The following CALD1 variants were observed in gnomAD, a reference collection of about 807,000 sequenced individuals.
CALD1 encodes the protein caldesmon 1.
A neutral mutation model predicts 99.9 loss-of-function variants in CALD1; 33 were observed. The ratio of observed to expected loss-of-function variants is 0.33; its 90% CI spans 0.25 to 0.44. The LOEUF is 0.44. Among genes scored for constraint, CALD1 ranks in the 20% least tolerant of loss-of-function variants. The probability of loss-of-function intolerance (pLI) is 1.00; values close to 1 mark genes in which losing one functional copy is unlikely to be tolerated. For missense variants in CALD1, 861 were observed against 962.1 expected (o/e 0.89, Z 1.39); for synonymous variants, 310 against 325.0 (o/e 0.95, Z 0.50).
In CALD1 at chr7:134,768,267, C is replaced by T. The variant is rs193168395; in HGVS notation, c.-130+23904C>T. Among the ~76,000 whole-genome samples the T allele has an allele frequency of 3.1e-3, 473 of 152,266 alleles. 1 individual carries two copies. The highest frequency in any genetic ancestry group is 9.3e-3 in the African/African-American group (386 of 41,542). ...TTTTGTCAGGTCCTCAGCCTTATTC[C>T]GGACCATCAGTGCCCTTCTTCTTCC... On this transcript the variant is annotated intron_variant, in intron 1 of 13. Transcript: ENST00000417172.
upstream of CALD1, among the ~76,000 whole-genome samples, chr7:134,776,728 G>A (rs1796921733): frequency 1.3e-5 from 2 of 152,166 alleles, no homozygotes; most frequent in South Asian, 4.2e-4. Context: ...CTTTTCTATT[G>A]AATAAAGTAG....
chr7:134,807,349 T>C (rs1010562689), intron 1 of CALD1, among the ~76,000 whole-genome samples: 6 of 152,048 alleles, frequency 3.9e-5, no homozygotes, highest in African/African-American at 1.4e-4. Flanking sequence ...AAAGAAGAAA[T>C]GATTTCTATT....
At chr7:134,781,268 G>A (rs1342394873) in intron 1 of CALD1, among the ~76,000 whole-genome samples, 1 of 152,156 alleles carries the variant, frequency 6.6e-6, no homozygotes, top group East Asian at 1.9e-4. Context: ...TCTAAACCAT[G>A]AAGGGAATGC....
chr7:134,830,811 A>G (rs1337749405), intron 1 of CALD1, among the ~76,000 whole-genome samples: 1 of 152,182 alleles, frequency 6.6e-6, no homozygotes, highest in Non-Finnish European at 1.5e-5. Flanking sequence ...AATAATGACA[A>G]TAGAAGTCTT....
In CALD1 at chr7:134,958,056, T is replaced by C; in HGVS notation, c.1936-13T>C. On this transcript the variant is annotated splice_polypyrimidine_tract_variant and intron_variant, in intron 9 of 14. Coordinates refer to ENST00000361675, the MANE Select transcript of CALD1 (RefSeq NM_033138.4). ...AAATATTAATTGGGTTTATTTTCTT[T>C]TGTAATTCCTAGATAGAAGAGCGAG... 6.3e-7 allele frequency: 1 copy of C among 1,587,206 alleles called. No individual in the cohort carries two copies. The highest frequency in any genetic ancestry group is 8.6e-7 in the Non-Finnish European group (1 of 1,157,398).
At chr7:134,921,157 C>T (rs1232998232) in intron 3 of CALD1, among the ~76,000 whole-genome samples, 1 of 152,232 alleles carries the variant, frequency 6.6e-6, no homozygotes, top group Non-Finnish European at 1.5e-5. Context: ...TTCATGTCCA[C>T]ACCAAGTATT....
chr7:134,809,780 A>G (rs2131911619), intron 1 of CALD1, among the ~76,000 whole-genome samples: 1 of 152,344 alleles, frequency 6.6e-6, no homozygotes, highest in East Asian at 1.9e-4. Flanking sequence ...CTAAAATATT[A>G]ATGCCTTGAC....
chr7:134,807,773 G>A (rs1221264874), intron 1 of CALD1, among the ~76,000 whole-genome samples: 4 of 151,994 alleles, frequency 2.6e-5, no homozygotes, highest in African/African-American at 9.7e-5. Flanking sequence ...GATTACAGGT[G>A]CCCGCCACCA....
At position 134,900,819 on chromosome 7, in the gene CALD1, C is replaced by T. The variant is rs965481621; in HGVS notation, c.72-27935C>T. ...ACATTTCCATCTTTTCCCTTTCCCTCTGAACATTCCCCTCCCCAAAGACCC... is the reference window on the plus strand; with the variant it reads ...ACATTTCCATCTTTTCCCTTTCCCTTTGAACATTCCCCTCCCCAAAGACCC... On this transcript the variant is annotated intron_variant, in intron 3 of 14. Transcript: ENST00000361675. Among the ~76,000 whole-genome samples, 4 of 152,084 alleles carry T rather than the reference C, an allele frequency of 2.6e-5. No individual in the cohort carries two copies. The East Asian group carries it at 7.7e-4, about 29-fold the overall frequency.
At chr7:134,830,549 C>T (rs1221275286) in intron 1 of CALD1, among the ~76,000 whole-genome samples, 1 of 151,998 alleles carries the variant, frequency 6.6e-6, no homozygotes, top group Non-Finnish European at 1.5e-5. Context: ...TTTCCTAATC[C>T]TCTCTCCCCT....
intron 3 of CALD1, among the ~76,000 whole-genome samples, chr7:134,882,247 T>G (rs1204461718): frequency 6.6e-6 from 1 of 152,210 alleles, no homozygotes; most frequent in African/African-American, 2.4e-5. Flanking sequence ...CATCAATGCC[T>G]CTCCTGGGGT....
At chr7:134,913,721 T>C (rs1169810707) in intron 3 of CALD1, among the ~76,000 whole-genome samples, 5 of 152,234 alleles carry the variant, frequency 3.3e-5, no homozygotes, top group African/African-American at 1.2e-4. Context: ...ATTTTCAAAT[T>C]TGTGAGCCAT....
chr7:134,932,649 T>C (rs1805606909), intron 4 of CALD1, among the ~76,000 whole-genome samples: 1 of 152,128 alleles, frequency 6.6e-6, no homozygotes, highest in African/African-American at 2.4e-5. Flanking sequence ...AGATCCAGTG[T>C]GGAATACACA....
intron 3 of CALD1, among the ~76,000 whole-genome samples, chr7:134,888,814 G>A (rs1017403047): frequency 3.9e-5 from 6 of 152,178 alleles, no homozygotes; most frequent in Admixed American, 1.3e-4. Flanking sequence ...GAGGGTGCGC[G>A]CTGTTTCCCT....
the CALD1 span, among the ~76,000 whole-genome samples, chr7:134,730,769 CTT>C: frequency 5.1e-4 from 77 of 152,228 alleles, no homozygotes; most frequent in African/African-American, 1.9e-3. Flanking sequence ...TTAAAATAGA[CTT>C]TTGGCTCTCA....
chr7:134,943,056 T>G (rs1370252845), intron 7 of CALD1, among the ~76,000 whole-genome samples: 1 of 152,194 alleles, frequency 6.6e-6, no homozygotes, highest in African/African-American at 2.4e-5. Context: ...TTATTTTTGT[T>G]TAGCCACCAA....
In CALD1 at chr7:134,843,984, T is replaced by C. The variant is rs746828312; in HGVS notation, c.-42+13T>C. 6.6e-6 allele frequency: 1 copy of C among 152,212 alleles called. No homozygotes were observed. Among genetic ancestry groups the C allele is most frequent in the Non-Finnish European group, 1.5e-5 (1 of 68,040 alleles). 9.4% of individuals were successfully genotyped at this position (152,212 alleles called of 1,614,324 possible). A position where few individuals can be genotyped will look rare whatever the true frequency, so the allele number is the denominator to read the frequency against. ...TGATTGCTGACCTGTGAGTAAAGTT[T>C]ATGTTTTATTAATACTTTGGGCTCT... On this transcript the variant is annotated intron_variant, in intron 2 of 14. Coordinates refer to ENST00000361675, the MANE Select transcript of CALD1 (RefSeq NM_033138.4).
intron 11 of CALD1, among the ~76,000 whole-genome samples, chr7:134,958,872 AAT>A (rs58837080): frequency 0.024 from 2,964 of 124,594 alleles, 42 homozygotes; most frequent in African/African-American, 0.047. Context: ...CTGGTATTTA[AAT>A]ATATATATAT....
the CALD1 span, among the ~76,000 whole-genome samples, chr7:134,730,435 C>T: frequency 1.3e-5 from 2 of 152,126 alleles, no homozygotes; most frequent in African/African-American, 4.8e-5. Flanking sequence ...CCCAACTTCC[C>T]AATTCTTTCA....
Sources: allele counts gnomAD v4.1 joint callset (sites outside exome capture counted in the v4.1 genomes callset), GRCh38; gene constraint gnomAD v4.1.1; transcripts MANE v1.5; gene names NCBI Gene and HGNC (gene_info 2026-07-23, HGNC 2026-07-21).